The following POLH variants were observed in gnomAD, a reference collection of about 807,000 sequenced individuals.
The protein encoded by POLH is DNA polymerase eta.
Under a neutral mutation model 73.6 loss-of-function variants are expected in POLH, and 53 were observed. The ratio of observed to expected loss-of-function variants is 0.72; its 90% CI spans 0.58 to 0.91. The LOEUF (loss-of-function observed/expected upper bound fraction) is 0.91, where lower values mean the gene tolerates loss of function less well. Among genes scored for constraint, POLH ranks in the 40% least tolerant of loss-of-function variants. POLH has a pLI of 0.00. For missense variants in POLH, 768 were observed against 865.4 expected, an observed-to-expected ratio of 0.89 and a Z score of 1.41; for synonymous variants, 292 against 308.5, an observed-to-expected ratio of 0.95 and a Z score of 0.56.
At chr6:43,581,667 C>CCGGCGGTCGGGCGGCGGCGGCGG (rs1335654125) in intron 1 of POLH, among the ~76,000 whole-genome samples, 1 of 114,314 alleles carries the variant, frequency 8.7e-6, no homozygotes, top group East Asian at 2.0e-4. Flanking sequence ...CTCCATCCTC[C>CCGGCGGTCGGGCGGCGGCGGCGG]CGGCGGTCGG....
intron 9 of POLH, among the ~76,000 whole-genome samples, chr6:43,606,156 TAA>T (rs59619375): frequency 1.1e-4 from 15 of 141,638 alleles, no homozygotes; most frequent in Non-Finnish European, 7.8e-5. Flanking sequence ...TACTTTTTTG[TAA>T]AAAAAAAAAA....
Position 43,620,075 on chromosome 6 carries a change from GTAATT to G in POLH, c.*5521_*5525del. The G allele has an allele frequency of 3.2e-6, 1 of 311,914 alleles. No individual in the cohort carries two copies. Among genetic ancestry groups the G allele is most frequent in the Non-Finnish European group, 6.1e-6 (1 of 163,812 alleles). 19.3% of individuals were successfully genotyped at this position (311,914 alleles called of 1,614,324 possible). A position where few individuals can be genotyped will look rare whatever the true frequency, so the allele number is the denominator to read the frequency against. ...TCAAGTGGCCCTCATTGTTCCAAGA[GTAATT>G]TAGGCTATGTAAACTTGAAAAATAT... On this transcript the variant is annotated 3_prime_UTR_variant, in exon 11 of 11. Coordinates refer to ENST00000372236, the MANE Select transcript of POLH (RefSeq NM_006502.3).
In POLH at chr6:43,582,424, A is replaced by C. The variant is rs1764380957; in HGVS notation, c.105A>C (p.Ala35=). ...CTCATTTGAGGAATAAACCTTGTGC[A>C]GTTGTACAGTACAAATCATGGAAGG... ...QNPHLRNKPC[A]VVQYKSWKGG... is the part of the protein sequence containing the mutation. The change falls in exon 2 of 11, where the codon GCA becomes GCC. Residue 35 remains alanine (A), a synonymous_variant. Coordinates refer to ENST00000372236, the MANE Select transcript of POLH (RefSeq NM_006502.3). 1.2e-6 allele frequency: 2 copies of C among 1,613,948 alleles called. No homozygotes were observed.
chr6:43,616,699 G>A lies in POLH; in HGVS notation c.*2142G>A, dbSNP rs1028838674. On this transcript the variant is annotated 3_prime_UTR_variant, in exon 11 of 11. Coordinates refer to ENST00000372236, the MANE Select transcript of POLH (RefSeq NM_006502.3). ...GCTGAAGAATGTGAGATGAAGCCTT[G>A]AAACCCTAAAAGTGATATGGTAACT... Among the ~76,000 whole-genome samples, 6 of 152,118 alleles carry A rather than the reference G, an allele frequency of 3.9e-5. No homozygotes were observed. Among genetic ancestry groups the A allele is most frequent in the Non-Finnish European group, 8.8e-5 (6 of 68,034 alleles).
intron 1 of POLH, 125 bp from the exon 2 acceptor site, chr6:43,582,191 C>T (rs1764356222): frequency 4.5e-6 from 4 of 890,036 alleles, no homozygotes; most frequent in Admixed American, 3.6e-5. Flanking sequence ...ATGCCTATTT[C>T]ATTCTTGTTA....
chr6:43,614,924 A>G lies in POLH; in HGVS notation c.*367A>G. ...TTTTCTTCACATTCTCATCTGTAAAATGGAGATAATACCTTACAGATTATT... is the reference window on the plus strand; with the variant it reads ...TTTTCTTCACATTCTCATCTGTAAAGTGGAGATAATACCTTACAGATTATT... On this transcript the variant is annotated 3_prime_UTR_variant, in exon 11 of 11. Coordinates refer to ENST00000372236, the MANE Select transcript of POLH (RefSeq NM_006502.3). 1 of 234,972 alleles carries G rather than the reference A, an allele frequency of 4.3e-6. No individual in the cohort carries two copies. Among genetic ancestry groups the G allele is most frequent in the East Asian group, 1.0e-4 (1 of 9,536 alleles). The allele number at this position is 234,972 out of a possible 1,614,324, so 14.6% of individuals were successfully genotyped here.
At chr6:43,608,087 G>A (rs111785865) in intron 9 of POLH, among the ~76,000 whole-genome samples, 5,039 of 152,170 alleles carry the variant, frequency 0.033, 271 homozygotes, top group African/African-American at 0.11. Flanking sequence ...CCGAGATTGC[G>A]CCATTGCACT....
intron 6 of POLH, among the ~76,000 whole-genome samples, chr6:43,603,414 G>A (rs1766953474): frequency 6.6e-6 from 1 of 152,032 alleles, no homozygotes; most frequent in African/African-American, 2.4e-5. Context: ...ACAGGAGTGA[G>A]CCACTGCACC....
At chr6:43,599,597 C>A (rs765793308) in intron 5 of POLH, among the ~76,000 whole-genome samples, 1 of 150,876 alleles carries the variant, frequency 6.6e-6, no homozygotes, top group Non-Finnish European at 1.5e-5. Context: ...CCCTTCAATA[C>A]AAGGAAAGTT....
intron 9 of POLH, 124 bp downstream of exon 9, chr6:43,605,443 C>CTTTCTTTTTTTTTTTTTT (rs1432121621): frequency 4.6e-6 from 1 of 215,668 alleles, no homozygotes; most frequent in African/African-American, 3.8e-5. Flanking sequence ...CGTTTTCTTT[C>CTTTCTTTTTTTTTTTTTT]TTTTTTTTTT....
chr6:43,597,947 T>C (rs1766275352), intron 5 of POLH, 82 bp downstream of exon 5: 2 of 1,274,118 alleles, frequency 1.6e-6, no homozygotes, highest in East Asian at 2.3e-5. Flanking sequence ...ATTGAAATTA[T>C]TACACATAGG....
chr6:43,616,336 A>G lies in POLH; in HGVS notation c.*1779A>G, dbSNP rs1028315005. On this transcript the variant is annotated 3_prime_UTR_variant, in exon 11 of 11. Transcript: ENST00000372236. ...AGGCTGGGTGCGGTTCCTCATGCCT[A>G]TAATCCCAGCATTTAGGGAGGCTGA... Among the ~76,000 whole-genome samples the G allele has an allele frequency of 6.6e-6, 1 of 151,616 alleles. No homozygotes were observed. The highest frequency in any genetic ancestry group is 2.4e-5 in the African/African-American group (1 of 41,270).
chr6:43,616,362 G>A lies in POLH; in HGVS notation c.*1805G>A, dbSNP rs1768347487. ...TAATCCCAGCATTTAGGGAGGCTGA[G>A]GTGAGTGGATTGCAGGAGCTCAGGA... On this transcript the variant is annotated 3_prime_UTR_variant, in exon 11 of 11. Transcript: ENST00000372236. 6.6e-6 allele frequency among the ~76,000 whole-genome samples: 1 copy of A among 151,806 alleles called. No homozygotes were observed. The highest frequency in any genetic ancestry group is 2.4e-5 in the African/African-American group (1 of 41,312).
intron 4 of POLH, among the ~76,000 whole-genome samples, chr6:43,596,008 C>T (rs1200339914): frequency 6.6e-6 from 1 of 151,830 alleles, no homozygotes; most frequent in East Asian, 1.9e-4. Flanking sequence ...CGGAGTGTGA[C>T]TCTGTCTCAA....
chr6:43,598,347 C>T (rs1044351050), intron 5 of POLH, among the ~76,000 whole-genome samples: 5 of 151,836 alleles, frequency 3.3e-5, no homozygotes, highest in African/African-American at 9.7e-5. Context: ...AAGCTGAAGG[C>T]CGGGCATGGG....
chr6:43,602,181 C>A (rs1393793402), intron 6 of POLH, among the ~76,000 whole-genome samples: 1 of 152,184 alleles, frequency 6.6e-6, no homozygotes, highest in African/African-American at 2.4e-5. Flanking sequence ...TTTCTTTCCT[C>A]TAATAGCATA....
intron 10 of POLH, among the ~76,000 whole-genome samples, chr6:43,612,181 G>A (rs1030620457): frequency 1.3e-5 from 2 of 151,914 alleles, no homozygotes; most frequent in African/African-American, 4.8e-5. Flanking sequence ...AATAACAACC[G>A]TGGTACTAAT....
intron 4 of POLH, among the ~76,000 whole-genome samples, chr6:43,587,865 A>G (rs1328152350): frequency 1.3e-5 from 2 of 152,130 alleles, no homozygotes; most frequent in Non-Finnish European, 2.9e-5. Flanking sequence ...CATCTCTACT[A>G]AAAATACAAA....
intron 4 of POLH, among the ~76,000 whole-genome samples, chr6:43,592,025 A>AT (rs143472318): frequency 0.021 from 3,235 of 152,226 alleles, 109 homozygotes; most frequent in African/African-American, 0.072. Context: ...GCCCATGTTT[A>AT]TAGAGAGGTC....
Sources: gnomAD v4.1 joint callset for allele counts (sites outside exome capture counted in the v4.1 genomes callset) on GRCh38, gnomAD v4.1.1 for gene constraint, MANE v1.5 for transcripts, NCBI Gene and HGNC (gene_info 2026-07-23, HGNC 2026-07-21) for gene names.